DLC1: variants seen among roughly 807,000 people sequenced by gnomAD.
DLC1 encodes the protein DLC1 Rho GTPase activating protein.
A neutral mutation model predicts 140.3 loss-of-function variants in DLC1; 54 were observed. That is an observed-to-expected ratio of 0.38 (90% confidence interval 0.31 to 0.48). The LOEUF (loss-of-function observed/expected upper bound fraction) is 0.48. Ranked by LOEUF, DLC1 falls within the 20% of genes least tolerant of loss-of-function variation. DLC1 has a pLI of 0.96. For synonymous variants in DLC1, 986 were observed against 728.1 expected, an observed-to-expected ratio of 1.35 and a Z score of -5.70; for missense variants, 2,536 against 1,907.0, an observed-to-expected ratio of 1.33 and a Z score of -6.14.
intron 7 of DLC1, among the ~76,000 whole-genome samples, chr8:13,103,856 A>AAAAG (rs547414243): frequency 8.0e-5 from 11 of 138,042 alleles, no homozygotes; most frequent in African/African-American, 2.0e-4. Flanking sequence ...AAAAAAAAAA[A>AAAAG]AAAGAAAGAA....
intron 1 of DLC1, among the ~76,000 whole-genome samples, chr8:13,530,470 A>G (rs1162579903): frequency 6.6e-6 from 1 of 152,160 alleles, no homozygotes; most frequent in African/African-American, 2.4e-5. Context: ...TCATTCTCTG[A>G]AGACATATCT....
intron 2 of DLC1, among the ~76,000 whole-genome samples, chr8:13,462,226 TA>T (rs1319620366): frequency 1.3e-5 from 2 of 152,144 alleles, no homozygotes; most frequent in African/African-American, 4.8e-5. Flanking sequence ...AGAAAATTTT[TA>T]TTGAAAATTT....
intron 7 of DLC1, among the ~76,000 whole-genome samples, chr8:13,108,499 T>G (rs1210333169): frequency 6.6e-6 from 1 of 152,190 alleles, no homozygotes; most frequent in African/African-American, 2.4e-5. Flanking sequence ...CAAAAGGTAC[T>G]CAGAGCCAGT....
At chr8:13,249,937 G>A (rs1434600719) in intron 5 of DLC1, among the ~76,000 whole-genome samples, 1 of 152,110 alleles carries the variant, frequency 6.6e-6, no homozygotes, top group Non-Finnish European at 1.5e-5. Context: ...TTCCTGAATT[G>A]TTTTTGCCTG....
At chr8:13,111,813 G>GTCA (rs1401613139) in intron 6 of DLC1, among the ~76,000 whole-genome samples, 8 of 152,024 alleles carry the variant, frequency 5.3e-5, no homozygotes, top group Non-Finnish European at 8.8e-5. Context: ...GGTGAAATCA[G>GTCA]TCATCACAGC....
At chr8:13,347,374 A>C (rs1220388970) in intron 4 of DLC1, among the ~76,000 whole-genome samples, 1 of 152,212 alleles carries the variant, frequency 6.6e-6, no homozygotes, top group African/African-American at 2.4e-5. Context: ...GAGAGCCCTA[A>C]ACATATCATC....
At chr8:13,552,523 G>A (rs1237888700) in intron 1 of DLC1, among the ~76,000 whole-genome samples, 1 of 151,198 alleles carries the variant, frequency 6.6e-6, no homozygotes, top group African/African-American at 2.4e-5. Flanking sequence ...AGTATCAGCT[G>A]TAACCTTAAA....
intron 1 of DLC1, among the ~76,000 whole-genome samples, chr8:13,543,658 C>G (rs918994732): frequency 1.3e-5 from 2 of 152,074 alleles, no homozygotes; most frequent in Non-Finnish European, 2.9e-5. Context: ...ATATTACTCA[C>G]TCATAAAAAA....
At chr8:13,292,680 T>G (rs1831802721) in intron 5 of DLC1, among the ~76,000 whole-genome samples, 1 of 152,168 alleles carries the variant, frequency 6.6e-6, no homozygotes, top group Non-Finnish European at 1.5e-5. Context: ...ACAAGTGTAT[T>G]TTTTTAAATA....
intron 11 of DLC1, 25 bp from the exon 12 acceptor site, chr8:13,094,982 T>G (rs1473588317): frequency 6.2e-7 from 1 of 1,613,970 alleles, no homozygotes; most frequent in Admixed American, 1.7e-5. Flanking sequence ...ACACTAAGTG[T>G]GGGGTACATT....
chr8:13,259,450 C>A (rs191580469), intron 5 of DLC1, among the ~76,000 whole-genome samples: 3 of 152,284 alleles, frequency 2.0e-5, no homozygotes, highest in African/African-American at 7.2e-5. Flanking sequence ...AGAGTCAATG[C>A]AAATGATAGA....
chr8:13,110,684 A>G, intron 7 of DLC1, 58 bp downstream of exon 7: 1 of 1,489,132 alleles, frequency 6.7e-7, no homozygotes, highest in Non-Finnish European at 9.3e-7. Flanking sequence ...TATCTTTGTG[A>G]GAAGTACTGT....
chr8:13,417,038 G>A (rs1838098024), intron 2 of DLC1, among the ~76,000 whole-genome samples: 1 of 152,046 alleles, frequency 6.6e-6, no homozygotes, highest in South Asian at 2.1e-4. Context: ...GAGCAGTCGG[G>A]CTAGTTAAAA....
At chr8:13,121,232 G>C (rs1029979045) in intron 5 of DLC1, among the ~76,000 whole-genome samples, 9 of 152,172 alleles carry the variant, frequency 5.9e-5, no homozygotes, top group Non-Finnish European at 8.8e-5. Context: ...AGAGAACCGT[G>C]TCAGCTGTGT....
chr8:13,472,011 C>T lies in DLC1; in HGVS notation c.1023+27038G>A, dbSNP rs555005621. On this transcript the variant is annotated intron_variant, in intron 2 of 17. Transcript: ENST00000276297. The stretch of plus-strand genomic sequence containing the variant: ...TTGAGGCCTGTGCAAAACCTACGCA[C>T]GGAAAGTCTGTTTCTATTTCAGTTG... Among the ~76,000 whole-genome samples, 25 of 152,272 alleles carry T rather than the reference C, an allele frequency of 1.6e-4. No homozygotes were observed. The South Asian group carries it at 2.9e-3, about 18-fold the overall frequency.
chr8:13,496,151 G>T (rs1801489386), intron 2 of DLC1, among the ~76,000 whole-genome samples: 2 of 152,056 alleles, frequency 1.3e-5, no homozygotes, highest in Admixed American at 6.6e-5. Context: ...TGAAAATGTG[G>T]CACATGTGTG....
chr8:13,133,029 C>T (rs767578361), intron 5 of DLC1: 4 of 1,588,688 alleles, frequency 2.5e-6, no homozygotes, highest in African/African-American at 1.3e-5. Flanking sequence ...TCGAGGCAGG[C>T]GGAGGCGGCT....
chr8:13,347,458 G>A (rs60896101), intron 4 of DLC1, among the ~76,000 whole-genome samples: 19,777 of 152,116 alleles, frequency 0.13, 1,458 homozygotes, highest in South Asian at 0.23. Flanking sequence ...TAGTGGTGTC[G>A]GGGATGGGGC....
At chr8:13,441,035 C>T (rs1284608135) in intron 2 of DLC1, among the ~76,000 whole-genome samples, 3 of 152,144 alleles carry the variant, frequency 2.0e-5, no homozygotes, top group Non-Finnish European at 4.4e-5. Flanking sequence ...AACAGCCAAA[C>T]AGTTCAAATT....
Sources: allele counts gnomAD v4.1 joint callset (sites outside exome capture counted in the v4.1 genomes callset), GRCh38; gene constraint gnomAD v4.1.1; transcripts MANE v1.5; gene names NCBI Gene and HGNC (gene_info 2026-07-23, HGNC 2026-07-21).